ZZZ3: variants seen among roughly 807,000 people sequenced by gnomAD.
ZZZ3 encodes the protein ZZ-type zinc finger-containing protein 3.
ZZZ3 carries 22 observed loss-of-function variants against 95.2 expected under a neutral mutation model. The ratio of observed to expected loss-of-function variants is 0.23; its 90% CI spans 0.17 to 0.33. ZZZ3 has a LOEUF of 0.33. Ranked by LOEUF, ZZZ3 falls within the 10% of genes least tolerant of loss-of-function variation. The pLI, the probability that ZZZ3 is intolerant of heterozygous loss-of-function variation, is 1.00. For synonymous variants in ZZZ3, 335 were observed against 358.9 expected (o/e 0.93, Z 0.75); for missense variants, 885 against 1,066.5 (o/e 0.83, Z 2.37).
rs747409473 is a variant in ZZZ3, at chr1:77,633,395, C to G, written c.-41G>C. ...TACAATACGGTCATCATGATCCACT[C>G]ATTGGGAAACCTTCAAAAATGTAAA... On this transcript the variant is annotated 5_prime_UTR_variant, in exon 5 of 15. The change abolishes an upstream ATG in the 5' untranslated region. Coordinates refer to ENST00000370801, the MANE Select transcript of ZZZ3 (RefSeq NM_015534.6). The G allele has an allele frequency of 6.5e-7, 1 of 1,528,250 alleles. No individual in the cohort carries two copies. The highest frequency in any genetic ancestry group is 8.8e-7 in the Non-Finnish European group (1 of 1,141,914). 94.7% of individuals were successfully genotyped at this position (1,528,250 alleles called of 1,614,324 possible).
intron 1 of ZZZ3, among the ~76,000 whole-genome samples, chr1:77,649,444 T>TA (rs1434931245): frequency 6.6e-6 from 1 of 151,446 alleles, no homozygotes; most frequent in African/African-American, 2.4e-5. Context: ...CTTAAAATAG[T>TA]AAAAAACCTA....
At chr1:77,624,780 C>T (rs910502803) in intron 5 of ZZZ3, among the ~76,000 whole-genome samples, 1 of 152,252 alleles carries the variant, frequency 6.6e-6, no homozygotes, top group South Asian at 2.1e-4. Context: ...CAAGTCAGAC[C>T]GAAACTGTGG....
Position 77,581,823 on chromosome 1 carries a change from T to G in ZZZ3, c.1861A>C (p.Met621Leu). ...TCTGGACCATCACTCAAAGGCAACA[T>G]AGAATATGAAAGGGACTCTCCATCC... ...KKDGESLSYS[M>L]LPLSDGPEGS... The change falls in exon 8 of 15, where the codon ATG (methionine) becomes CTG (leucine). Residue 621 changes from methionine (M) to leucine (L), a missense_variant. This residue lies in a region of ZZZ3 where 99 missense variants were observed against 119.8 expected (regional missense o/e 0.83). Coordinates refer to ENST00000370801, the MANE Select transcript of ZZZ3 (RefSeq NM_015534.6). 6.2e-7 allele frequency: 1 copy of G among 1,614,054 alleles called. No homozygotes were observed.
chr1:77,676,842 A>C (rs541312911), intron 1 of ZZZ3: 6 of 152,312 alleles, frequency 3.9e-5, no homozygotes, highest in African/African-American at 1.4e-4. Context: ...AAATTAAATA[A>C]AGCATTATTT....
chr1:77,589,675 G>A (rs1013243011), intron 5 of ZZZ3, among the ~76,000 whole-genome samples: 28 of 151,714 alleles, frequency 1.8e-4, no homozygotes, highest in Non-Finnish European at 2.9e-4. Context: ...GCCCAGGCTC[G>A]TCTCAAACTC....
chr1:77,646,904 A>G (rs1021199974), intron 1 of ZZZ3, among the ~76,000 whole-genome samples: 1 of 152,170 alleles, frequency 6.6e-6, no homozygotes, highest in African/African-American at 2.4e-5. Context: ...AGGTAGCTAC[A>G]GTCTCCCAGA....
In ZZZ3 at chr1:77,575,979, C is replaced by G. The variant is rs542212748; in HGVS notation, c.2331+89G>C. 1.1e-5 allele frequency: 12 copies of G among 1,123,668 alleles called. No homozygotes were observed. In the South Asian group the frequency reaches 2.8e-4, roughly 26 times the overall value. 69.6% of individuals were successfully genotyped at this position (1,123,668 alleles called of 1,614,324 possible). On this transcript the variant is annotated intron_variant, in intron 12 of 14. Transcript: ENST00000370801. ...CATTTGACTTGTTCATTAAAAGAAA[C>G]CAACATTCTCTGAAGAGTGGAAATA...
At chr1:77,593,772 T>C (rs1037081211) in intron 5 of ZZZ3, among the ~76,000 whole-genome samples, 4 of 152,156 alleles carry the variant, frequency 2.6e-5, no homozygotes, top group African/African-American at 9.6e-5. Context: ...ATAACTTTTC[T>C]AGGAAGAAAA....
chr1:77,674,930 C>A (rs1460410773), intron 1 of ZZZ3, among the ~76,000 whole-genome samples: 2 of 136,798 alleles, frequency 1.5e-5, no homozygotes, highest in African/African-American at 2.8e-5. Flanking sequence ...CCAGCCTGGG[C>A]AACAGAGTAA....
intron 8 of ZZZ3, 54 bp from the exon 9 acceptor site, chr1:77,581,123 G>A (rs1662475954): frequency 1.6e-5 from 22 of 1,354,376 alleles, no homozygotes; most frequent in Non-Finnish European, 2.3e-5. Flanking sequence ...CCTATCCTTT[G>A]ATATAGCCAA....
At chr1:77,586,285 C>G (rs192473311) in intron 5 of ZZZ3, among the ~76,000 whole-genome samples, 27 of 152,278 alleles carry the variant, frequency 1.8e-4, no homozygotes, top group Admixed American at 9.2e-4. Context: ...CTGAATACAA[C>G]CAAAGACTTA....
intron 5 of ZZZ3, among the ~76,000 whole-genome samples, chr1:77,602,085 G>A (rs1352966328): frequency 6.6e-6 from 1 of 152,114 alleles, no homozygotes; most frequent in Non-Finnish European, 1.5e-5. Context: ...GAAGGTACAG[G>A]GCACCTGAGA....
intron 6 of ZZZ3, 59 bp downstream of exon 6, chr1:77,584,458 T>C: frequency 6.6e-7 from 1 of 1,511,914 alleles, no homozygotes; most frequent in Non-Finnish European, 8.8e-7. Flanking sequence ...ATTAACCAAA[T>C]TCTCTTAAGC....
At position 77,616,591 on chromosome 1, in the gene ZZZ3, G is replaced by A. The variant is rs545293358; in HGVS notation, c.1505+15259C>T. Among the ~76,000 whole-genome samples, 10 of 152,302 alleles carry A rather than the reference G, an allele frequency of 6.6e-5. No homozygotes were observed. In the East Asian group the frequency reaches 1.4e-3, roughly 21 times the overall value. The stretch of plus-strand genomic sequence containing the variant: ...AAAAAATTAAAATTGTCAGCCGGGC[G>A]CGGAGGCTCACGCCTGTAATCCCAG... On this transcript the variant is annotated intron_variant, in intron 5 of 14. Coordinates refer to ENST00000370801, the MANE Select transcript of ZZZ3 (RefSeq NM_015534.6).
At chr1:77,582,602 T>A (rs1662630160) in intron 6 of ZZZ3, among the ~76,000 whole-genome samples, 1 of 150,734 alleles carries the variant, frequency 6.6e-6, no homozygotes, top group Admixed American at 6.6e-5. Context: ...GAAGAATCAA[T>A]CTTTTAAATT....
In ZZZ3 at chr1:77,654,639, T is replaced by A. The variant is rs995511336; in HGVS notation, c.-402-12984A>T. 3.3e-5 allele frequency among the ~76,000 whole-genome samples: 5 copies of A among 151,876 alleles called. No individual in the cohort carries two copies. In the East Asian group the frequency reaches 9.7e-4, roughly 29 times the overall value. On this transcript the variant is annotated intron_variant, in intron 1 of 14. Coordinates refer to ENST00000370801, the MANE Select transcript of ZZZ3 (RefSeq NM_015534.6). Reference sequence around the variant, plus strand: ...AAAAAACAAAACCGAAAAGAAAAAATAGGAAATAAACATAACTGGCCCTTT... The same window carrying A: ...AAAAAACAAAACCGAAAAGAAAAAAAAGGAAATAAACATAACTGGCCCTTT...
chr1:77,575,046 T>C (rs1296906556), intron 12 of ZZZ3, among the ~76,000 whole-genome samples: 2 of 152,140 alleles, frequency 1.3e-5, no homozygotes, highest in African/African-American at 2.4e-5. Context: ...TAGCCGGGCA[T>C]GGTGGCACAT....
At chr1:77,621,458 G>A (rs1304727006) in intron 5 of ZZZ3, among the ~76,000 whole-genome samples, 1 of 146,162 alleles carries the variant, frequency 6.8e-6, no homozygotes, top group Admixed American at 6.8e-5. Context: ...AAAAAATCCA[G>A]TGAAGAAAGA....
chr1:77,581,962 AT>A lies in ZZZ3; in HGVS notation c.1792+16del. On this transcript the variant is annotated intron_variant, in intron 7 of 14. Coordinates refer to ENST00000370801, the MANE Select transcript of ZZZ3 (RefSeq NM_015534.6). ...CAGATATTTTTCTACTTAAATTCTT[AT>A]CATATGATTTCTTACCTTTATCAAA... is the stretch of plus-strand genomic sequence containing the variant. 6.3e-7 allele frequency: 1 copy of A among 1,599,196 alleles called. No homozygotes were observed. The highest frequency in any genetic ancestry group is 8.6e-7 in the Non-Finnish European group (1 of 1,168,372).
Sources: allele counts gnomAD v4.1 joint callset (sites outside exome capture counted in the v4.1 genomes callset), GRCh38; gene constraint gnomAD v4.1.1; regional missense constraint gnomAD v4.1.1; transcripts MANE v1.5; gene names NCBI Gene and HGNC (gene_info 2026-07-23, HGNC 2026-07-21).